AKAP13: variants seen among roughly 807,000 people sequenced by gnomAD.
The protein encoded by AKAP13 is A-kinase anchoring protein 13, also known as A-kinase anchor protein 13.
In AKAP13, 80 loss-of-function variants were observed where a neutral mutation model predicts 264.5. The ratio of observed to expected loss-of-function variants is 0.30; its 90% confidence interval spans 0.25 to 0.36. AKAP13 has a LOEUF of 0.36. AKAP13 is among the 10% of genes least tolerant of loss of function. The pLI is 1.00. For synonymous variants in AKAP13, 1,380 were observed against 1,250.2 expected (o/e 1.10, Z -2.19); for missense variants, 3,712 against 3,435.2 (o/e 1.08, Z -2.01).
intron 1 of AKAP13, among the ~76,000 whole-genome samples, chr15:85,429,956 A>G (rs966171352): frequency 8.5e-5 from 13 of 152,208 alleles, no homozygotes; most frequent in African/African-American, 3.1e-4. Context: ...TGGCTGATTC[A>G]CCATGTTTAG....
intron 1 of AKAP13, among the ~76,000 whole-genome samples, chr15:85,438,560 T>C (rs1261924586): frequency 6.9e-6 from 1 of 145,718 alleles, no homozygotes; most frequent in Non-Finnish European, 1.5e-5. Flanking sequence ...CTACCTGACT[T>C]CAAACTATAC....
intron 1 of AKAP13, among the ~76,000 whole-genome samples, chr15:85,482,219 G>C (rs2075373508): frequency 6.6e-6 from 1 of 152,114 alleles, no homozygotes; most frequent in Non-Finnish European, 1.5e-5. Flanking sequence ...TCTATTACTT[G>C]CTTTTTTATT....
Position 85,637,767 on chromosome 15 carries a change from G to A in AKAP13, c.4162-1607G>A, listed in dbSNP as rs182725925. Among the ~76,000 whole-genome samples, 46 of 151,606 alleles carry A rather than the reference G, an allele frequency of 3.0e-4. No individual in the cohort carries two copies. The East Asian group carries it at 8.3e-3, about 27-fold the overall frequency. ...GGCATGTAATGTTACAAATATTGCT[G>A]TTAGCACTGCTTTAGTTATATCCAC... On this transcript the variant is annotated intron_variant, in intron 8 of 36. Coordinates refer to ENST00000394518, the MANE Select transcript of AKAP13 (RefSeq NM_007200.5).
chr15:85,737,043 C>T (rs1036998174), intron 33 of AKAP13, among the ~76,000 whole-genome samples: 5 of 151,658 alleles, frequency 3.3e-5, no homozygotes, highest in East Asian at 1.9e-4. Flanking sequence ...CTCAGCCTCC[C>T]GAGTAGCTGG....
intron 5 of AKAP13, among the ~76,000 whole-genome samples, chr15:85,562,330 C>T (rs775816505): frequency 7.3e-5 from 11 of 151,546 alleles, no homozygotes; most frequent in East Asian, 5.8e-4. Flanking sequence ...TTTGGGAGGC[C>T]GAGGCGTGCG....
At chr15:85,400,878 T>A (rs28616838) in intron 1 of AKAP13, among the ~76,000 whole-genome samples, 5,441 of 41,810 alleles carry the variant, frequency 0.13, 187 homozygotes, top group African/African-American at 0.26. Flanking sequence ...ATATATATTT[T>A]TTTTTTTTAA....
chr15:85,523,194 C>T (rs947787288), intron 3 of AKAP13, among the ~76,000 whole-genome samples: 2 of 152,034 alleles, frequency 1.3e-5, no homozygotes, highest in Non-Finnish European at 2.9e-5. Context: ...AAGGAGATTC[C>T]TGACCGGACC....
At chr15:85,457,196 G>GC (rs999853714) in intron 1 of AKAP13, among the ~76,000 whole-genome samples, 1 of 152,144 alleles carries the variant, frequency 6.6e-6, no homozygotes, top group Non-Finnish European at 1.5e-5. Context: ...ATAGTAAGAG[G>GC]CATGTCTAAA....
intron 30 of AKAP13, among the ~76,000 whole-genome samples, chr15:85,732,520 G>A (rs1449031898): frequency 6.7e-6 from 1 of 149,852 alleles, no homozygotes; most frequent in African/African-American, 2.4e-5. Flanking sequence ...CATAAAATGT[G>A]TATATGAAAA....
rs11327974 is a variant in AKAP13, at chr15:85,632,871, A to AT, written c.4162-6490dup. On this transcript the variant is annotated intron_variant, in intron 8 of 36. Coordinates refer to ENST00000394518, the MANE Select transcript of AKAP13 (RefSeq NM_007200.5). ...AATGAAAAGTATTCTAAGAAATAAA[A>AT]TTTTTTTTTTTTTGAGGCGGAATCT... 3.0e-4 allele frequency among the ~76,000 whole-genome samples: 44 copies of AT among 148,966 alleles called. No homozygotes were observed. The East Asian group carries it at 5.1e-3, about 17-fold the overall frequency.
chr15:85,691,885 A>G, intron 16 of AKAP13: 1 of 487,644 alleles, frequency 2.1e-6, no homozygotes. Context: ...CGGCGTAGGA[A>G]GCTTATCTTT....
Position 85,410,819 on chromosome 15 carries a change from G to T in AKAP13, c.-12+30021G>T, listed in dbSNP as rs757199203. 2.0e-5 allele frequency among the ~76,000 whole-genome samples: 3 copies of T among 151,546 alleles called. No homozygotes were observed. In the South Asian group the frequency reaches 6.2e-4, roughly 31 times the overall value. The stretch of plus-strand genomic sequence containing the variant: ...ATTTTCCGTTCTCAGAATGATTATG[G>T]CATTTATTTTCTGTGCTGTTTCATT... On this transcript the variant is annotated intron_variant, in intron 1 of 36. Coordinates refer to ENST00000394518, the MANE Select transcript of AKAP13 (RefSeq NM_007200.5).
chr15:85,666,276 G>A (rs1374799817), intron 13 of AKAP13, among the ~76,000 whole-genome samples: 1 of 152,164 alleles, frequency 6.6e-6, no homozygotes, highest in Non-Finnish European at 1.5e-5. Context: ...CTGATGGCCA[G>A]TGATGATGAG....
intron 4 of AKAP13, among the ~76,000 whole-genome samples, chr15:85,539,730 T>C (rs956394428): frequency 6.6e-6 from 1 of 152,146 alleles, no homozygotes; most frequent in Non-Finnish European, 1.5e-5. Flanking sequence ...ATGTGAGACA[T>C]TTTCTGCCTT....
chr15:85,667,356 A>T (rs987353300), intron 13 of AKAP13, among the ~76,000 whole-genome samples: 1 of 152,178 alleles, frequency 6.6e-6, no homozygotes, highest in Admixed American at 6.5e-5. Flanking sequence ...ACTTGTTCTG[A>T]TACTTCAGAA....
intron 19 of AKAP13, 89 bp downstream of exon 19, chr15:85,710,734 T>A: frequency 7.1e-7 from 1 of 1,416,094 alleles, no homozygotes; most frequent in Non-Finnish European, 9.7e-7. Flanking sequence ...TTATTATTCA[T>A]AGTCAAGATA....
intron 19 of AKAP13, 100 bp downstream of exon 19, chr15:85,710,745 T>C (rs1249516073): frequency 6.1e-6 from 8 of 1,310,150 alleles, no homozygotes; most frequent in East Asian, 2.4e-5. Context: ...AGTCAAGATA[T>C]GAATACCTAT....
chr15:85,555,311 T>G (rs946801256), intron 5 of AKAP13: 1 of 630,962 alleles, frequency 1.6e-6, no homozygotes, highest in African/African-American at 1.9e-5. Context: ...TGAGAAGATA[T>G]TGCAATAGCC....
At chr15:85,487,802 G>T (rs1264567072) in intron 2 of AKAP13, among the ~76,000 whole-genome samples, 1 of 150,214 alleles carries the variant, frequency 6.7e-6, no homozygotes, top group East Asian at 2.0e-4. Flanking sequence ...CATGATCATA[G>T]CTCACAGCAT....
Sources: allele counts gnomAD v4.1 joint callset (sites outside exome capture counted in the v4.1 genomes callset), GRCh38; gene constraint gnomAD v4.1.1; transcripts MANE v1.5; gene names NCBI Gene and HGNC (gene_info 2026-07-23, HGNC 2026-07-21).